CIITA: variants seen among roughly 807,000 people sequenced by gnomAD.
CIITA encodes the protein MHC class II transactivator.
In CIITA, 72 loss-of-function variants were observed where a neutral mutation model predicts 115.1. The observed-to-expected ratio is 0.63, with a 90% CI of 0.52 to 0.76. The LOEUF (loss-of-function observed/expected upper bound fraction) is 0.76. CIITA is among the 30% of genes least tolerant of loss of function. The pLI is 0.00. For missense variants in CIITA, 1,617 were observed against 1,463.8 expected, an observed-to-expected ratio of 1.10 and a Z score of -1.71; for synonymous variants, 763 against 635.6, an observed-to-expected ratio of 1.20 and a Z score of -3.02.
chr16:10,942,424 A>T lies in CIITA; in HGVS notation n.1550A>T, dbSNP rs1473873516. The T allele has an allele frequency of 6.4e-6, 1 of 157,466 alleles. No homozygotes were observed. The highest frequency in any genetic ancestry group is 1.4e-5 in the Non-Finnish European group (1 of 71,912). 9.8% of individuals were successfully genotyped at this position (157,466 alleles called of 1,614,324 possible). A position where few individuals can be genotyped will look rare whatever the true frequency, so the allele number is the denominator to read the frequency against. ...GCACCCCCCGCGCCCCCGCAGGCCC[A>T]GCACCCATGGCTGCGGCCGCCGCGT... On this transcript the variant is annotated non_coding_transcript_exon_variant, in exon 2 of 2. Transcript: ENST00000573379. This position sits in a 1 kb window ranked among gnomAD's most constrained non-coding sequence, Gnocchi z 5.0.
upstream of CIITA, among the ~76,000 whole-genome samples, chr16:10,874,978 C>CT (rs993286338): frequency 9.3e-5 from 14 of 151,038 alleles, no homozygotes; most frequent in East Asian, 1.9e-4. Flanking sequence ...CTTTTTTTTT[C>CT]TTTTTTTTGA....
chr16:10,917,983 CCT>C (rs2145043810), intron 15 of CIITA, among the ~76,000 whole-genome samples: 1 of 152,266 alleles, frequency 6.6e-6, no homozygotes, highest in East Asian at 1.9e-4. Context: ...CTTCCGTCCC[CCT>C]CTTTCTTACC....
At chr16:10,940,564 G>C (rs547621746), downstream of CIITA, 1 of 152,428 alleles carries the variant, frequency 6.6e-6, no homozygotes, top group East Asian at 1.9e-4. This position sits in a 1 kb window ranked among gnomAD's most constrained non-coding sequence, Gnocchi z 4.2. Flanking sequence ...TCCAGTCTCA[G>C]GGGCTGAGCC....
At chr16:10,873,837 C>T (rs531374968), upstream of CIITA, among the ~76,000 whole-genome samples, 3 of 152,176 alleles carry the variant, frequency 2.0e-5, no homozygotes, top group Middle Eastern at 3.4e-3. Flanking sequence ...AGGGTAAGAC[C>T]GGCTTCAGCA....
rs45621432 is a variant in CIITA at position 10,907,964 on chromosome 16, C to T, written c.2472C>T (p.His824=). The part of the protein sequence containing the change: ...HEAEEAGIWQ[H]VVQELPGRLS... ...CCGAGGAGGCTGGAATTTGGCAGCA[C>T]GTGGTACAGGAGCTCCCCGGCCGCC... Residue 824 remains histidine (H), a synonymous_variant, in exon 11 of 20, where the codon CAC becomes CAT. Transcript: ENST00000324288. This position sits in a 1 kb window ranked among gnomAD's most constrained non-coding sequence, Gnocchi z 5.0. 39,507 of 1,570,188 alleles carry T rather than the reference C, an allele frequency of 0.025. 672 individuals are homozygous for T. Among genetic ancestry groups the T allele is most frequent in the Non-Finnish European group, 0.028 (32,674 of 1,158,414 alleles).
At chr16:10,880,328 G>T (rs143302779) in intron 1 of CIITA, among the ~76,000 whole-genome samples, 1 of 152,300 alleles carries the variant, frequency 6.6e-6, no homozygotes, top group African/African-American at 2.4e-5. Context: ...GATCCTGCAG[G>T]TTAAACCATC....
At chr16:10,940,871 G>A (rs76045352), downstream of CIITA, 1,820 of 152,430 alleles carry the variant, frequency 0.012, 13 homozygotes, top group Non-Finnish European at 0.018. This position sits in a 1 kb window ranked among gnomAD's most constrained non-coding sequence, Gnocchi z 4.2. Context: ...TGCAAACACT[G>A]CAGACAAAGC....
At chr16:10,892,260 G>T (rs961397054) in intron 1 of CIITA, among the ~76,000 whole-genome samples, 2 of 151,918 alleles carry the variant, frequency 1.3e-5, no homozygotes, top group African/African-American at 4.8e-5. Flanking sequence ...GGAGGCAGAG[G>T]TTGCAGTGAG....
At chr16:10,873,858 T>C (rs556890238), upstream of CIITA, among the ~76,000 whole-genome samples, 1 of 152,280 alleles carries the variant, frequency 6.6e-6, no homozygotes, top group Non-Finnish European at 1.5e-5. Context: ...GCACCTCTCC[T>C]GACAGGGGTC....
At position 10,901,942 on chromosome 16, in the gene CIITA, C is replaced by G. The variant is rs2038799753; in HGVS notation, c.482-96C>G. Reference sequence around the variant, plus strand: ...GCTGAGAAGATGACAAGCATTTCCTCTGTCAGGAGAGACATCCATGCCACT... The same window carrying G: ...GCTGAGAAGATGACAAGCATTTCCTGTGTCAGGAGAGACATCCATGCCACT... On this transcript the variant is annotated intron_variant, in intron 6 of 19. Coordinates refer to ENST00000324288, the MANE Select transcript of CIITA (RefSeq NM_000246.4). The surrounding 1 kb of genome is among the most constrained non-coding windows in gnomAD (Gnocchi z 6.8). The G allele has an allele frequency of 6.6e-7, 1 of 1,510,028 alleles. No homozygotes were observed. The highest frequency in any genetic ancestry group is 2.3e-5 in the East Asian group (1 of 44,388). The allele number at this position is 1,510,028 out of a possible 1,614,324, so 93.5% of individuals were successfully genotyped here. A position where few individuals can be genotyped will look rare whatever the true frequency, so the allele number is the denominator to read the frequency against.
chr16:10,915,474 G>C, intron 13 of CIITA, 96 bp from the exon 14 acceptor site: 1 of 949,014 alleles, frequency 1.1e-6, no homozygotes, highest in Non-Finnish European at 1.7e-6. Context: ...CCTCAGACAG[G>C]ACCTGACTTC....
intron 9 of CIITA, 44 bp downstream of exon 9, chr16:10,903,939 G>A (rs747103414): frequency 2.9e-5 from 46 of 1,612,468 alleles, no homozygotes; most frequent in African/African-American, 5.3e-5. Context: ...AAGCAGGATC[G>A]AGGCCCTGGG....
At chr16:10,875,289 C>T (rs1402560216), upstream of CIITA, among the ~76,000 whole-genome samples, 1 of 152,160 alleles carries the variant, frequency 6.6e-6, no homozygotes, top group East Asian at 1.9e-4. Context: ...TCACCATATC[C>T]GTTTGTTAGC....
chr16:10,873,279 A>C (rs2035610080), upstream of CIITA, among the ~76,000 whole-genome samples: 1 of 152,194 alleles, frequency 6.6e-6, no homozygotes. Context: ...GTGTCTTTCA[A>C]ATGCTCAGTC....
rs1403306097 is a variant in CIITA at position 10,941,402 on chromosome 16, A to G, written n.528A>G. ...TTGCTGGAGGAAGCTTTCCAGCCCAAACGAAGGGCTTAAGAGGAGTCTGGC... is the reference window on the plus strand; with the variant it reads ...TTGCTGGAGGAAGCTTTCCAGCCCAGACGAAGGGCTTAAGAGGAGTCTGGC... On this transcript the variant is annotated non_coding_transcript_exon_variant, in exon 2 of 2. Coordinates refer to the CIITA transcript ENST00000573379. This position sits in a 1 kb window ranked among gnomAD's most constrained non-coding sequence, Gnocchi z 6.4. 2.0e-6 allele frequency: 1 copy of G among 509,656 alleles called. No homozygotes were observed. The highest frequency in any genetic ancestry group is 2.0e-5 in the African/African-American group (1 of 49,822). The allele number at this position is 509,656 out of a possible 1,614,324, so 31.6% of individuals were successfully genotyped here.
intron 13 of CIITA, among the ~76,000 whole-genome samples, chr16:10,911,642 C>T (rs186470432): frequency 2.6e-5 from 4 of 152,060 alleles, no homozygotes; most frequent in Admixed American, 1.3e-4. Context: ...ACAGCCTCAA[C>T]CTCCCTAGGC....
intron 1 of CIITA, among the ~76,000 whole-genome samples, chr16:10,887,341 G>T (rs138761146): frequency 3.1e-4 from 47 of 152,284 alleles, no homozygotes; most frequent in Middle Eastern, 6.8e-3. Flanking sequence ...AACACTCGTT[G>T]AAACGGAGGC....
At chr16:10,898,819 T>C in intron 4 of CIITA, 87 bp downstream of exon 4, 3 of 1,593,242 alleles carry the variant, frequency 1.9e-6, no homozygotes, top group South Asian at 1.1e-5. Context: ...CTGACGACCA[T>C]TCATTGATGG....
chr16:10,901,683 G>A lies in CIITA; in HGVS notation c.481+125G>A. 1 of 1,095,854 alleles carries A rather than the reference G, an allele frequency of 9.1e-7. No individual in the cohort carries two copies. Among genetic ancestry groups the A allele is most frequent in the Non-Finnish European group, 1.3e-6 (1 of 741,380 alleles). The allele number at this position is 1,095,854 out of a possible 1,614,324, so 67.9% of individuals were successfully genotyped here. The stretch of plus-strand genomic sequence containing the variant: ...TGGTGCAGCCCCTGCCCTTCTTTGG[G>A]TAGAGGCTGAGAGCTTGGGGTCCCT... On this transcript the variant is annotated intron_variant, in intron 6 of 19. Transcript: ENST00000324288. The surrounding 1 kb of genome is among the most constrained non-coding windows in gnomAD (Gnocchi z 6.8).
Sources: gnomAD v4.1 joint callset for allele counts (sites outside exome capture counted in the v4.1 genomes callset) on GRCh38, gnomAD v4.1.1 for gene constraint, Gnocchi (gnomAD v3.1) non-coding constraint, MANE v1.5 for transcripts, NCBI Gene and HGNC (gene_info 2026-07-23, HGNC 2026-07-21) for gene names.